The following KATNAL2 variants were observed in gnomAD, a reference collection of about 807,000 sequenced individuals.
The protein encoded by KATNAL2 is katanin catalytic subunit A1 like 2.
Under a neutral mutation model 76.3 loss-of-function variants are expected in KATNAL2, and 52 were observed. That is an observed-to-expected ratio of 0.68 (90% confidence interval 0.55 to 0.86). KATNAL2 has a LOEUF of 0.86. KATNAL2 is among the 40% of genes least tolerant of loss of function. KATNAL2 has a pLI of 0.00. For missense variants in KATNAL2, 660 were observed against 668.9 expected, an observed-to-expected ratio of 0.99 and a Z score of 0.15; for synonymous variants, 243 against 244.2, an observed-to-expected ratio of 1.00 and a Z score of 0.05.
chr18:47,048,378 C>CA (rs2061230716), intron 4 of KATNAL2, among the ~76,000 whole-genome samples: 1 of 152,190 alleles, frequency 6.6e-6, no homozygotes, highest in Admixed American at 6.5e-5. Context: ...AGGCAGTTGA[C>CA]AACGAACTGA....
chr18:46,944,497 A>T (rs990184828), intron 1 of KATNAL2, among the ~76,000 whole-genome samples: 2 of 152,072 alleles, frequency 1.3e-5, no homozygotes, highest in Admixed American at 1.3e-4. Context: ...TTGGGAGGCC[A>T]AGGGGTGGGG....
At chr18:46,918,128 A>C (rs1033642901) in intron 1 of KATNAL2, 2 of 152,206 alleles carry the variant, frequency 1.3e-5, no homozygotes, top group African/African-American at 4.8e-5. Flanking sequence ...CATGCTAAAA[A>C]GTCGGGGAAA....
chr18:47,068,283 T>C (rs1364114533), intron 11 of KATNAL2, among the ~76,000 whole-genome samples: 1 of 152,222 alleles, frequency 6.6e-6, no homozygotes, highest in Non-Finnish European at 1.5e-5. Context: ...ACCTATTTAG[T>C]CTTAAACCAC....
chr18:46,928,116 C>T lies in KATNAL2; in HGVS notation c.-510+10190C>T, dbSNP rs981913976. Among the ~76,000 whole-genome samples, 4 of 152,138 alleles carry T rather than the reference C, an allele frequency of 2.6e-5. No individual in the cohort carries two copies. The South Asian group carries it at 8.3e-4, about 32-fold the overall frequency. ...AGTCATTCTCCATCCAGCTTTGTTCCGTTGCTGGTGAGGAGCTGCGTTCCT... is the reference window on the plus strand; with the variant it reads ...AGTCATTCTCCATCCAGCTTTGTTCTGTTGCTGGTGAGGAGCTGCGTTCCT... On this transcript the variant is annotated intron_variant, in intron 1 of 17. Coordinates refer to ENST00000683218, the MANE Select transcript of KATNAL2 (RefSeq NM_001387690.1).
Position 46,947,037 on chromosome 18 carries a change from C to T in KATNAL2, c.51+114C>T, listed in dbSNP as rs1027551954. ...GCGACAGAGTCCGCTACTAGAGAAG[C>T]GCAAACGCAGTGAGAGGCGCTCGGC... On this transcript the variant is annotated intron_variant, in intron 3 of 17. Transcript: ENST00000683218. 7.5e-6 allele frequency: 6 copies of T among 795,828 alleles called. No homozygotes were observed. In the Admixed American group the frequency reaches 1.2e-4, roughly 16 times the overall value. 49.3% of individuals were successfully genotyped at this position (795,828 alleles called of 1,614,324 possible).
chr18:47,033,267 G>A (rs1389194621), intron 3 of KATNAL2: 3 of 1,613,566 alleles, frequency 1.9e-6, no homozygotes, highest in Middle Eastern at 1.8e-4. Context: ...CATTTTCGGG[G>A]TCAGCGTCTC....
intron 1 of KATNAL2, among the ~76,000 whole-genome samples, chr18:46,936,177 C>T (rs1406044174): frequency 6.6e-6 from 1 of 152,090 alleles, no homozygotes; most frequent in East Asian, 1.9e-4. Flanking sequence ...TCAAACAAAA[C>T]ATCATTAAAG....
In KATNAL2 at chr18:47,053,006, T is replaced by C; in HGVS notation, c.249T>C (p.Phe83=). Residue 83 remains phenylalanine (F), a synonymous_variant, in exon 5 of 18, where the codon TTT becomes TTC. Coordinates refer to ENST00000683218, the MANE Select transcript of KATNAL2 (RefSeq NM_001387690.1). ...MEYESYYFVK[F]QKYPKIVKKS... ...ATGAGAGTTATTATTTTGTAAAATTTCAGAAATACCCCAAAATTGTCAAAA... is the reference window on the plus strand; with the variant it reads ...ATGAGAGTTATTATTTTGTAAAATTCCAGAAATACCCCAAAATTGTCAAAA... 3.7e-6 allele frequency: 6 copies of C among 1,608,306 alleles called. No homozygotes were observed. The highest frequency in any genetic ancestry group is 4.2e-6 in the Non-Finnish European group (5 of 1,178,018).
chr18:46,959,095 C>T (rs189979870), intron 3 of KATNAL2, among the ~76,000 whole-genome samples: 59 of 152,348 alleles, frequency 3.9e-4, no homozygotes, highest in African/African-American at 1.4e-3. Flanking sequence ...AATTTAATTA[C>T]ATCAGTGCTT....
chr18:47,097,260 T>C (rs531049566), intron 15 of KATNAL2, among the ~76,000 whole-genome samples: 20 of 152,246 alleles, frequency 1.3e-4, no homozygotes, highest in Admixed American at 3.3e-4. Context: ...GCATAAGGAA[T>C]TGGGTATTCC....
At chr18:47,079,544 G>A (rs966113127) in intron 15 of KATNAL2, among the ~76,000 whole-genome samples, 5 of 151,908 alleles carry the variant, frequency 3.3e-5, no homozygotes, top group Admixed American at 6.6e-5. Flanking sequence ...ACAGGCGCCT[G>A]CCACCACGCC....
rs919644309 is a variant in KATNAL2, at chr18:47,101,739, T to C, written c.*734T>C. The C allele has an allele frequency of 6.6e-6, 1 of 152,246 alleles. No homozygotes were observed. The highest frequency in any genetic ancestry group is 1.5e-5 in the Non-Finnish European group (1 of 68,148). 9.4% of individuals were successfully genotyped at this position (152,246 alleles called of 1,614,324 possible). A position where few individuals can be genotyped will look rare whatever the true frequency, so the allele number is the denominator to read the frequency against. Reference sequence around the variant, plus strand: ...GTGTGCTCTGCCCTTCTCTTTCCATTGCCGCAGCTTCTCATCAGATCCAAA... The same window carrying C: ...GTGTGCTCTGCCCTTCTCTTTCCATCGCCGCAGCTTCTCATCAGATCCAAA... On this transcript the variant is annotated 3_prime_UTR_variant, in exon 18 of 18. Transcript: ENST00000683218.
At chr18:46,930,183 C>A (rs1186768096) in intron 1 of KATNAL2, among the ~76,000 whole-genome samples, 1 of 152,166 alleles carries the variant, frequency 6.6e-6, no homozygotes, top group Non-Finnish European at 1.5e-5. Context: ...TCAACATTTT[C>A]CTTAACCTTG....
intron 1 of KATNAL2, among the ~76,000 whole-genome samples, chr18:46,933,657 T>C (rs2059000231): frequency 6.6e-6 from 1 of 152,028 alleles, no homozygotes; most frequent in Non-Finnish European, 1.5e-5. Flanking sequence ...ATTATTATTA[T>C]ACTTTAAGTT....
chr18:47,075,802 G>A (rs1310706897), intron 14 of KATNAL2, among the ~76,000 whole-genome samples: 4 of 152,224 alleles, frequency 2.6e-5, no homozygotes, highest in African/African-American at 4.8e-5. Context: ...AGTCCTCGAC[G>A]GTGTGTGAAG....
intron 3 of KATNAL2, among the ~76,000 whole-genome samples, chr18:47,037,051 G>T (rs915623123): frequency 7.2e-5 from 11 of 152,210 alleles, no homozygotes; most frequent in African/African-American, 2.7e-4. Context: ...TTTGAAAGAA[G>T]TGATGTATGC....
At chr18:47,059,877 A>G (rs2061580543) in intron 8 of KATNAL2, among the ~76,000 whole-genome samples, 1 of 152,156 alleles carries the variant, frequency 6.6e-6, no homozygotes, top group Admixed American at 6.5e-5. Context: ...TAAGGAACTC[A>G]GTTTCCACAT....
chr18:47,075,443 C>A lies in KATNAL2; in HGVS notation c.1100+75C>A. 5.3e-6 allele frequency: 6 copies of A among 1,122,336 alleles called. No individual in the cohort carries two copies. In the South Asian group the frequency reaches 7.8e-5, roughly 15 times the overall value. 69.5% of individuals were successfully genotyped at this position (1,122,336 alleles called of 1,614,324 possible). On this transcript the variant is annotated intron_variant, in intron 14 of 17. Coordinates refer to ENST00000683218, the MANE Select transcript of KATNAL2 (RefSeq NM_001387690.1). ...TCTCCCCTCTTGTGTGTTTGATGGT[C>A]GGAAGCCTATAGACATTTACTAGCA...
At chr18:47,085,920 C>A (rs2062751995) in intron 15 of KATNAL2, among the ~76,000 whole-genome samples, 1 of 151,938 alleles carries the variant, frequency 6.6e-6, no homozygotes, top group South Asian at 2.1e-4. Flanking sequence ...AAGACCTCGT[C>A]TCTACAAAAA....
Sources: allele counts gnomAD v4.1 joint callset (sites outside exome capture counted in the v4.1 genomes callset), GRCh38; gene constraint gnomAD v4.1.1; transcripts MANE v1.5; gene names NCBI Gene and HGNC (gene_info 2026-07-23, HGNC 2026-07-21).